STK38: variants seen among roughly 807,000 people sequenced by gnomAD.
STK38 encodes serine/threonine-protein kinase 38.
In STK38, 26 loss-of-function variants were observed where a neutral mutation model predicts 59.0. The ratio of observed to expected loss-of-function variants is 0.44; its 90% CI spans 0.32 to 0.61. The LOEUF (loss-of-function observed/expected upper bound fraction) is 0.61, where lower values mean the gene tolerates loss of function less well. Ranked by LOEUF, STK38 falls within the 20% of genes least tolerant of loss-of-function variation. STK38 has a pLI of 0.04. For missense variants in STK38, 433 were observed against 566.0 expected, an observed-to-expected ratio of 0.76 and a Z score of 2.38; for synonymous variants, 175 against 176.6, an observed-to-expected ratio of 0.99 and a Z score of 0.07.
At chr6:36,543,656 T>C (rs1777995867) in intron 1 of STK38, among the ~76,000 whole-genome samples, 2 of 151,958 alleles carry the variant, frequency 1.3e-5, no homozygotes, top group South Asian at 4.1e-4. Context: ...TTTTTCTTTT[T>C]TTGGAAATGG....
intron 9 of STK38, among the ~76,000 whole-genome samples, chr6:36,502,604 T>C (rs1369870518): frequency 6.6e-6 from 1 of 152,224 alleles, no homozygotes; most frequent in Non-Finnish European, 1.5e-5. Context: ...ATATGTCACA[T>C]ACATACATCT....
intron 1 of STK38, among the ~76,000 whole-genome samples, chr6:36,544,344 C>CA (rs755946366): frequency 5.6e-4 from 82 of 147,282 alleles, no homozygotes; most frequent in East Asian, 1.2e-3. Flanking sequence ...ACAAAAACAA[C>CA]AAAAAAAAAA....
In STK38 at chr6:36,519,699, AT is replaced by A. The variant is rs1232767162; in HGVS notation, c.391-1860del. ...TATACAAAAAGGTTCTCTTTCCCCT[AT>A]TCCATAAATATTTAATAAGGTGGGG... On this transcript the variant is annotated intron_variant, in intron 5 of 13. Transcript: ENST00000229812. Among the ~76,000 whole-genome samples the A allele has an allele frequency of 5.3e-5, 8 of 152,302 alleles. No homozygotes were observed. In the East Asian group the frequency reaches 9.6e-4, roughly 18 times the overall value.
Position 36,527,207 on chromosome 6 carries a change from A to ATATATATATATATATATATAT in STK38, c.132-1566_132-1565insATATATATATATATATATATA, listed in dbSNP as rs1554168828. Among the ~76,000 whole-genome samples, 6 of 119,350 alleles carry ATATATATATATATATATATAT rather than the reference A, an allele frequency of 5.0e-5. No individual in the cohort carries two copies. The Admixed American group carries it at 5.1e-4, about 10-fold the overall frequency. The allele number at this position is 119,350 out of a possible 152,430, so 78.3% of individuals were successfully genotyped here. ...ACTCCGTCTCAAAAAAAAAAAAAAA[A>ATATATATATATATATATATAT]ATATATGTATATATATATATATTTA... is the stretch of plus-strand genomic sequence containing the variant. On this transcript the variant is annotated intron_variant, in intron 2 of 13. Coordinates refer to ENST00000229812, the MANE Select transcript of STK38 (RefSeq NM_007271.4).
At chr6:36,543,361 G>T (rs853887) in intron 1 of STK38, among the ~76,000 whole-genome samples, 1,555 of 151,924 alleles carry the variant, frequency 0.01, 33 homozygotes, top group African/African-American at 0.036. Context: ...CACCATGCCC[G>T]GCCAATAGTG....
In STK38 at chr6:36,506,567, C is replaced by T; in HGVS notation, c.834+16G>A. ...ACTTGGTTTGTAGCATTTCAGAAGC[C>T]ACAGATATTACTTACTAGCTGACGT... On this transcript the variant is annotated intron_variant, in intron 9 of 13. Transcript: ENST00000229812. 2 of 1,609,760 alleles carry T rather than the reference C, an allele frequency of 1.2e-6. No individual in the cohort carries two copies. Among genetic ancestry groups the T allele is most frequent in the Admixed American group, 1.7e-5 (1 of 58,886 alleles).
At chr6:36,509,096 A>T (rs563891756) in intron 7 of STK38, among the ~76,000 whole-genome samples, 12 of 152,322 alleles carry the variant, frequency 7.9e-5, no homozygotes, top group African/African-American at 2.4e-4. Context: ...GACATATTTC[A>T]GCCCTGTTTG....
chr6:36,514,251 T>C (rs905754732), intron 7 of STK38, among the ~76,000 whole-genome samples: 6 of 150,816 alleles, frequency 4.0e-5, no homozygotes, highest in African/African-American at 9.8e-5. Context: ...AAGAATTAGA[T>C]TGCAGTGAGC....
chr6:36,498,582 CTTTTTTCTTTT>C, intron 10 of STK38, 96 bp from the exon 11 acceptor site: 3 of 1,038,978 alleles, frequency 2.9e-6, no homozygotes, highest in South Asian at 3.7e-5. Flanking sequence ...CTTTTTTTTT[CTTTTTTCTTTT>C]TTTTTTTTTT....
In STK38 at chr6:36,515,467, T is replaced by G. The variant is rs1471974594; in HGVS notation, c.540A>C (p.Lys180Asn). 3 of 1,613,828 alleles carry G rather than the reference T, an allele frequency of 1.9e-6. No homozygotes were observed. Among genetic ancestry groups the G allele is most frequent in the Non-Finnish European group, 2.5e-6 (3 of 1,179,968 alleles). The change falls in exon 7 of 14, where the codon AAA (lysine) becomes AAC (asparagine). Residue 180 changes from lysine to asparagine, a missense_variant. Lys to Asn is a moderately conservative substitution (Grantham distance 94). Coordinates refer to ENST00000229812, the MANE Select transcript of STK38 (RefSeq NM_007271.4). Reference protein sequence around the residue: ...PGGDMMTLLMKKDTLTEEETQ... With the variant: ...PGGDMMTLLMNKDTLTEEETQ... ...TCTCCTCTTCTGTCAGAGTGTCTTT[T>G]TTCATCAACAAGGTCATCATGTCCC...
chr6:36,512,730 G>A (rs937363442), intron 7 of STK38, among the ~76,000 whole-genome samples: 1 of 152,076 alleles, frequency 6.6e-6, no homozygotes, highest in African/African-American at 2.4e-5. Context: ...CACGATCTTG[G>A]CTCACTGCAA....
intron 1 of STK38, among the ~76,000 whole-genome samples, chr6:36,540,623 T>C (rs1035719979): frequency 6.6e-6 from 1 of 152,160 alleles, no homozygotes; most frequent in Non-Finnish European, 1.5e-5. Flanking sequence ...GTCACACAAA[T>C]ATATCTTTTT....
At chr6:36,514,133 C>A (rs1362162977) in intron 7 of STK38, among the ~76,000 whole-genome samples, 2 of 135,202 alleles carry the variant, frequency 1.5e-5, no homozygotes, top group African/African-American at 5.7e-5. Flanking sequence ...CCAGCCTGGG[C>A]GACAGAGCGA....
At chr6:36,512,043 A>T (rs900349289) in intron 7 of STK38, among the ~76,000 whole-genome samples, 5 of 152,216 alleles carry the variant, frequency 3.3e-5, no homozygotes, top group Admixed American at 2.6e-4. Flanking sequence ...TGGGTGACAG[A>T]GTGAGACTCC....
intron 9 of STK38, among the ~76,000 whole-genome samples, chr6:36,502,281 T>C (rs1138669): frequency 6.6e-6 from 1 of 152,214 alleles, no homozygotes; most frequent in Non-Finnish European, 1.5e-5. Context: ...TAGCTGGGAC[T>C]GTAGGGATGT....
At chr6:36,519,964 A>C (rs1315433057) in intron 5 of STK38, among the ~76,000 whole-genome samples, 1 of 152,220 alleles carries the variant, frequency 6.6e-6, no homozygotes, top group Non-Finnish European at 1.5e-5. Flanking sequence ...ATTCCTACCC[A>C]GTTTATTTAG....
intron 1 of STK38, among the ~76,000 whole-genome samples, chr6:36,540,948 GAGT>G (rs1777922087): frequency 6.6e-6 from 1 of 151,760 alleles, no homozygotes; most frequent in Non-Finnish European, 1.5e-5. Context: ...GCCCAGGCTG[GAGT>G]GCAGTGGCGC....
intron 2 of STK38, among the ~76,000 whole-genome samples, chr6:36,530,490 G>A (rs978656216): frequency 2.7e-5 from 4 of 150,482 alleles, no homozygotes; most frequent in Admixed American, 2.7e-4. Context: ...TCAGCCTCCC[G>A]GATAGCTGGG....
chr6:36,500,544 G>A (rs559454804), intron 9 of STK38, among the ~76,000 whole-genome samples: 9 of 151,854 alleles, frequency 5.9e-5, no homozygotes, highest in East Asian at 1.9e-4. Flanking sequence ...GGCGGATCAC[G>A]AGGTCAAGAG....
Sources: allele counts gnomAD v4.1 joint callset (sites outside exome capture counted in the v4.1 genomes callset), GRCh38; gene constraint gnomAD v4.1.1; transcripts MANE v1.5; gene names NCBI Gene and HGNC (gene_info 2026-07-23, HGNC 2026-07-21).